Variants in TMEFF2 observed in about 807,000 individuals in gnomAD.
The protein encoded by TMEFF2 is tomoregulin-2.
Under a neutral mutation model 53.8 loss-of-function variants are expected in TMEFF2, and 28 were observed. The ratio of observed to expected loss-of-function variants is 0.52; its 90% CI spans 0.39 to 0.71. TMEFF2 has a LOEUF of 0.71. TMEFF2 is among the 30% of genes least tolerant of loss of function. The pLI, the probability that TMEFF2 is intolerant of heterozygous loss-of-function variation, is 0.00. For missense variants in TMEFF2, 353 were observed against 455.2 expected, an observed-to-expected ratio of 0.78 and a Z score of 2.04; for synonymous variants, 162 against 166.3, an observed-to-expected ratio of 0.97 and a Z score of 0.20.
chr2:191,994,453 G>A (rs1268676975), intron 7 of TMEFF2, among the ~76,000 whole-genome samples: 4 of 147,330 alleles, frequency 2.7e-5, no homozygotes, highest in Non-Finnish European at 4.5e-5. Flanking sequence ...TTTGAAGCAT[G>A]ACCAAACTTT....
At chr2:191,978,750 C>A (rs957030609) in intron 7 of TMEFF2, among the ~76,000 whole-genome samples, 3 of 152,182 alleles carry the variant, frequency 2.0e-5, no homozygotes, top group East Asian at 1.9e-4. Flanking sequence ...GCAGTCAGCT[C>A]TTCCTGGTAG....
chr2:192,031,942 C>A (rs962759511), intron 5 of TMEFF2: 2 of 152,182 alleles, frequency 1.3e-5, no homozygotes, highest in African/African-American at 2.4e-5. Context: ...TACTTATAAT[C>A]ATCCTCTCTA....
At chr2:192,106,218 G>C (rs888337153) in intron 4 of TMEFF2, among the ~76,000 whole-genome samples, 1 of 151,532 alleles carries the variant, frequency 6.6e-6, no homozygotes, top group Non-Finnish European at 1.5e-5. Flanking sequence ...TATTTATCAA[G>C]ATAAAAAAGG....
intron 4 of TMEFF2, among the ~76,000 whole-genome samples, chr2:192,140,582 T>TA (rs1221038422): frequency 6.6e-6 from 1 of 151,598 alleles, no homozygotes; most frequent in Admixed American, 6.6e-5. Flanking sequence ...TGGAGCCATA[T>TA]AAAAAAAACA....
At chr2:192,180,085 C>T (rs1691148922) in intron 3 of TMEFF2, among the ~76,000 whole-genome samples, 1 of 151,312 alleles carries the variant, frequency 6.6e-6, no homozygotes. Context: ...GCAAATAAAC[C>T]CATAATTAAG....
intron 5 of TMEFF2, among the ~76,000 whole-genome samples, chr2:192,049,888 C>A (rs576377082): frequency 1.2e-4 from 18 of 152,272 alleles, no homozygotes; most frequent in Admixed American, 2.6e-4. Flanking sequence ...GTAGTCCCAG[C>A]TACCCGGGAG....
At chr2:192,017,048 C>T (rs1303224352) in intron 5 of TMEFF2, among the ~76,000 whole-genome samples, 18 of 152,086 alleles carry the variant, frequency 1.2e-4, no homozygotes, top group African/African-American at 4.1e-4. Flanking sequence ...GAATGTAAGT[C>T]GAGTAGGACT....
At chr2:191,964,414 T>TTCTTTC (rs1553508013) in intron 7 of TMEFF2, among the ~76,000 whole-genome samples, 2 of 129,920 alleles carry the variant, frequency 1.5e-5, no homozygotes, top group African/African-American at 3.5e-5. Flanking sequence ...CTTTCTTTCT[T>TTCTTTC]TCTTTCTTTC....
chr2:192,133,306 A>G (rs1304051783), intron 4 of TMEFF2, among the ~76,000 whole-genome samples: 2 of 151,840 alleles, frequency 1.3e-5, no homozygotes, highest in African/African-American at 4.8e-5. Flanking sequence ...ACCTTAACCC[A>G]CAAGTATAAG....
At chr2:192,128,592 T>G (rs1003386040) in intron 4 of TMEFF2, among the ~76,000 whole-genome samples, 1 of 152,218 alleles carries the variant, frequency 6.6e-6, no homozygotes, top group African/African-American at 2.4e-5. Context: ...TCTATTTTAA[T>G]TCTTGTGCAA....
At chr2:192,136,279 T>G (rs1158444740) in intron 4 of TMEFF2, among the ~76,000 whole-genome samples, 1 of 152,188 alleles carries the variant, frequency 6.6e-6, no homozygotes, top group African/African-American at 2.4e-5. Context: ...TCATTTTCCA[T>G]TTAAGACTTA....
chr2:191,958,067 G>A (rs747366987), intron 7 of TMEFF2, among the ~76,000 whole-genome samples: 47 of 152,296 alleles, frequency 3.1e-4, no homozygotes, highest in Non-Finnish European at 6.0e-4. Context: ...ACATGGGAAC[G>A]TGTGACCAAA....
intron 4 of TMEFF2, among the ~76,000 whole-genome samples, chr2:192,136,269 T>C (rs1341672076): frequency 1.3e-5 from 2 of 152,200 alleles, no homozygotes; most frequent in African/African-American, 4.8e-5. Context: ...TAAATACAAG[T>C]CATTTTCCAT....
intron 4 of TMEFF2, among the ~76,000 whole-genome samples, chr2:192,088,660 C>T (rs62180366): frequency 0.41 from 61,665 of 152,018 alleles, 14,240 homozygotes; most frequent in South Asian, 0.54. Flanking sequence ...AACCCAAGTA[C>T]TCAAGTTTGT....
chr2:192,149,957 T>G (rs1690344732), intron 4 of TMEFF2, among the ~76,000 whole-genome samples: 1 of 151,986 alleles, frequency 6.6e-6, no homozygotes. Context: ...AACTTCTATC[T>G]AACATTAGTT....
chr2:192,160,001 A>T (rs991612104), intron 4 of TMEFF2, among the ~76,000 whole-genome samples: 8 of 152,168 alleles, frequency 5.3e-5, no homozygotes, highest in African/African-American at 1.9e-4. Flanking sequence ...CAACGAAATG[A>T]ATAGACTCTA....
At chr2:192,026,071 C>A (rs1379166545) in intron 5 of TMEFF2, among the ~76,000 whole-genome samples, 2 of 152,090 alleles carry the variant, frequency 1.3e-5, no homozygotes, top group Non-Finnish European at 2.9e-5. Context: ...GAACTCCTGC[C>A]CCTGTGCGCC....
chr2:192,031,751 A>G (rs1687143655), intron 5 of TMEFF2: 1 of 152,084 alleles, frequency 6.6e-6, no homozygotes, highest in East Asian at 1.9e-4. Flanking sequence ...CCCTTGAGAG[A>G]GATTTTAATC....
chr2:192,020,776 A>G (rs1686842075), intron 5 of TMEFF2, among the ~76,000 whole-genome samples: 1 of 152,162 alleles, frequency 6.6e-6, no homozygotes, highest in Admixed American at 6.5e-5. Flanking sequence ...TTCAACAAAA[A>G]TAATAGTAAA....
Sources: allele counts gnomAD v4.1 joint callset (sites outside exome capture counted in the v4.1 genomes callset), GRCh38; gene constraint gnomAD v4.1.1; transcripts MANE v1.5; gene names NCBI Gene and HGNC (gene_info 2026-07-23, HGNC 2026-07-21).